Variants in SI observed in about 807,000 individuals in gnomAD.
SI encodes sucrase-isomaltase.
In SI, 235 loss-of-function variants were observed where a neutral mutation model predicts 253.3. That is an observed-to-expected ratio of 0.93 (90% CI 0.83 to 1.03). The LOEUF is 1.03. Among genes scored for constraint, SI ranks in the 50% least tolerant of loss-of-function variants. SI has a pLI of 0.00. For missense variants in SI, 2,442 were observed against 2,211.1 expected (o/e 1.10, Z -2.09); for synonymous variants, 819 against 712.0 (o/e 1.15, Z -2.39).
rs113969994 is a variant in SI at position 164,996,711 on chromosome 3, G to A, written c.4575+27C>T. 0.011 allele frequency: 13,558 copies of A among 1,234,434 alleles called. 1,115 individuals are homozygous for A. In the African/African-American group the frequency reaches 0.18, roughly 16 times the overall value. The allele number at this position is 1,234,434 out of a possible 1,614,324, so 76.5% of individuals were successfully genotyped here. Reference sequence around the variant, plus strand: ...TAGTTTATGAATGTTTATAATTTATGAAGATAAAAGGAATAAAACTACTTA... The same window carrying A: ...TAGTTTATGAATGTTTATAATTTATAAAGATAAAAGGAATAAAACTACTTA... On this transcript the variant is annotated intron_variant, in intron 39 of 47. Coordinates refer to ENST00000264382, the MANE Select transcript of SI (RefSeq NM_001041.4).
rs190837899 is a variant in SI at position 165,029,896 on chromosome 3, T to C, written c.2892+816A>G. On this transcript the variant is annotated intron_variant, in intron 25 of 47. Coordinates refer to ENST00000264382, the MANE Select transcript of SI (RefSeq NM_001041.4). ...AGAATCTTTTCTTCTCCTTACTTTT[T>C]CTGTTCTTATATTCTTCCCTATTCT... 6.6e-5 allele frequency among the ~76,000 whole-genome samples: 10 copies of C among 150,536 alleles called. No homozygotes were observed. In the East Asian group the frequency reaches 2.0e-3, roughly 30 times the overall value.
rs1000898972 is a variant in SI at position 165,078,460 on chromosome 3, A to C, written c.-28T>G. 2 of 152,044 alleles carry C rather than the reference A, an allele frequency of 1.3e-5. No homozygotes were observed. Among genetic ancestry groups the C allele is most frequent in the African/African-American group, 4.8e-5 (2 of 41,396 alleles). The allele number at this position is 152,044 out of a possible 1,614,324, so 9.4% of individuals were successfully genotyped here. A position where few individuals can be genotyped will look rare whatever the true frequency, so the allele number is the denominator to read the frequency against. Reference sequence around the variant, plus strand: ...TATTTCATAGCCTGTTCTCTTTGCTATGTTGTACCAGACTTGGATAAGGCT... The same window carrying C: ...TATTTCATAGCCTGTTCTCTTTGCTCTGTTGTACCAGACTTGGATAAGGCT... On this transcript the variant is annotated 5_prime_UTR_variant, in exon 1 of 48. Transcript: ENST00000264382.
chr3:165,059,547 T>A (rs145035381), intron 10 of SI, among the ~76,000 whole-genome samples: 1 of 152,116 alleles, frequency 6.6e-6, no homozygotes, highest in Admixed American at 6.6e-5. Flanking sequence ...ATTGTTTTTA[T>A]ATACGTGGAT....
intron 13 of SI, among the ~76,000 whole-genome samples, chr3:165,052,803 G>T (rs1180852667): frequency 6.6e-6 from 1 of 151,912 alleles, no homozygotes; most frequent in East Asian, 1.9e-4. Context: ...ATTTTTAAAA[G>T]AATTTGTAAA....
chr3:165,012,868 A>C, intron 34 of SI, 112 bp downstream of exon 34: 1 of 786,358 alleles, frequency 1.3e-6, no homozygotes, highest in Non-Finnish European at 2.3e-6. Flanking sequence ...CGATAATTTA[A>C]AATGGCCATC....
chr3:165,049,368 A>G (rs112483529), intron 14 of SI, 124 bp from the exon 15 acceptor site: 15 of 685,996 alleles, frequency 2.2e-5, no homozygotes, highest in African/African-American at 1.8e-4. Flanking sequence ...GTTAAAAACA[A>G]TGACAAAGGA....
chr3:165,026,031 CACAGAATT>C (rs1230484520), intron 25 of SI, among the ~76,000 whole-genome samples: 10 of 151,326 alleles, frequency 6.6e-5, no homozygotes, highest in African/African-American at 2.4e-4. Flanking sequence ...ACTTTAAGGA[CACAGAATT>C]ACAGAATGGA....
intron 9 of SI, 50 bp downstream of exon 9, chr3:165,062,321 T>C: frequency 2.3e-6 from 2 of 885,200 alleles, no homozygotes; most frequent in Non-Finnish European, 3.8e-6. Context: ...TCATGTTAGA[T>C]GAAATAAAAG....
intron 35 of SI, 76 bp downstream of exon 35, chr3:165,009,203 T>C (rs1718655461): frequency 1.0e-6 from 1 of 966,230 alleles, no homozygotes; most frequent in East Asian, 2.4e-5. Context: ...TTGACATTAT[T>C]TGAGCCAAGT....
intron 37 of SI, among the ~76,000 whole-genome samples, chr3:164,999,369 T>A (rs1451643685): frequency 6.6e-6 from 1 of 151,780 alleles, no homozygotes; most frequent in Non-Finnish European, 1.5e-5. Context: ...ATCTGTTTTC[T>A]TCTATCTCCC....
intron 7 of SI, 51 bp downstream of exon 7, chr3:165,065,210 A>G (rs779298685): frequency 2.6e-6 from 3 of 1,166,558 alleles, no homozygotes; most frequent in African/African-American, 3.0e-5. Flanking sequence ...TAAGATTTTC[A>G]TCTGCTGCAA....
chr3:165,045,555 G>A (rs1315193718), intron 16 of SI, among the ~76,000 whole-genome samples: 3 of 151,552 alleles, frequency 2.0e-5, no homozygotes, highest in Non-Finnish European at 4.4e-5. Flanking sequence ...TTCCTCTAGA[G>A]ATTTTGTTTA....
In SI at chr3:164,991,427, A is replaced by G. The variant is rs774106562; in HGVS notation, c.5034T>C (p.Tyr1678=). 9.3e-6 allele frequency: 15 copies of G among 1,613,586 alleles called. No homozygotes were observed. Among genetic ancestry groups the G allele is most frequent in the South Asian group, 8.8e-5 (8 of 91,082 alleles). ...CACGGACATGTAGGTTTATTGTGTCATAAGAAGCATTAAATGTTTGAAATT... is the reference window on the plus strand; with the variant it reads ...CACGGACATGTAGGTTTATTGTGTCGTAAGAAGCATTAAATGTTTGAAATT... ...RGQFQTFNAS[Y]DTINLHVRGG... The change falls in exon 44 of 48, where the codon TAT becomes TAC. Residue 1678 remains tyrosine, a synonymous_variant. Coordinates refer to ENST00000264382, the MANE Select transcript of SI (RefSeq NM_001041.4).
upstream of SI, among the ~76,000 whole-genome samples, chr3:165,079,072 A>T (rs187231355): frequency 5.9e-5 from 9 of 151,762 alleles, no homozygotes; most frequent in African/African-American, 1.9e-4. Flanking sequence ...TTTACCACAG[A>T]TAGCACTCAT....
Position 164,982,358 on chromosome 3 carries a change from G to A in SI, c.5300C>T (p.Thr1767Met), listed in dbSNP as rs199881454. The A allele has an allele frequency of 3.7e-5, 60 of 1,612,322 alleles. No homozygotes were observed. The East Asian group carries it at 8.3e-4, about 22-fold the overall frequency. Residue 1767 changes from threonine (T) to methionine (M), a missense_variant, in exon 47 of 48, where the codon ACG becomes ATG. Thr to Met is a moderately conservative substitution (Grantham distance 81, BLOSUM62 -1). Transcript: ENST00000264382. ...CCATACATGAAGGGATCCAAGCCTCGTTTCACTTTTATTTATGTAACCTCT... is the reference window on the plus strand; with the variant it reads ...CCATACATGAAGGGATCCAAGCCTCATTTCACTTTTATTTATGTAACCTCT... Reference protein sequence around the residue: ...LKRGYINKSETRLGSLHVWGK... With the variant: ...LKRGYINKSEMRLGSLHVWGK...
chr3:164,987,612 G>C (rs1157080513), intron 44 of SI, among the ~76,000 whole-genome samples: 1 of 152,174 alleles, frequency 6.6e-6, no homozygotes, highest in East Asian at 1.9e-4. Context: ...GGGAGGCTGA[G>C]GCAGGGCAAT....
chr3:165,027,132 T>C (rs1711961989), intron 25 of SI, among the ~76,000 whole-genome samples: 1 of 151,298 alleles, frequency 6.6e-6, no homozygotes, highest in African/African-American at 2.4e-5. Context: ...AAATGCGAGA[T>C]ACTACAACTG....
At chr3:165,039,043 A>G (rs1319436745) in intron 20 of SI, 35 bp downstream of exon 20, 1 of 1,348,284 alleles carries the variant, frequency 7.4e-7, no homozygotes, top group Non-Finnish European at 1.1e-6. Context: ...AAAATATAAT[A>G]CTTGTGAGTC....
intron 25 of SI, among the ~76,000 whole-genome samples, chr3:165,029,362 A>G (rs1712101583): frequency 6.6e-6 from 1 of 150,878 alleles, no homozygotes; most frequent in Non-Finnish European, 1.5e-5. Context: ...CACTATGGAC[A>G]ACAGTGTGGA....
Sources: gnomAD v4.1 joint callset for allele counts (sites outside exome capture counted in the v4.1 genomes callset) on GRCh38, gnomAD v4.1.1 for gene constraint, MANE v1.5 for transcripts, NCBI Gene and HGNC (gene_info 2026-07-23, HGNC 2026-07-21) for gene names.